XRCC5: variants seen among roughly 807,000 people sequenced by gnomAD.
The protein encoded by XRCC5 is DNA repair protein Ku80.
Under a neutral mutation model 95.7 loss-of-function variants are expected in XRCC5, and 12 were observed. The observed-to-expected ratio is 0.13, with a 90% confidence interval of 0.08 to 0.20. XRCC5 has a LOEUF of 0.20. Ranked by LOEUF, XRCC5 falls within the 10% of genes least tolerant of loss-of-function variation. The pLI is 1.00. For synonymous variants in XRCC5, 281 were observed against 290.3 expected (o/e 0.97, Z 0.33); for missense variants, 595 against 873.9 (o/e 0.68, Z 4.02).
rs1447612882 is a variant in XRCC5 at position 216,148,140 on chromosome 2, A to G, written c.1534A>G (p.Ile512Val). Reference sequence around the variant, plus strand: ...GCCTCTACCCCCAATTCAGCAGCATATTTGGAATATGCTGAATCCTCCCGC... The same window carrying G: ...GCCTCTACCCCCAATTCAGCAGCATGTTTGGAATATGCTGAATCCTCCCGC... ...REPLPPIQQHIWNMLNPPAEV... is the reference protein window; with the variant it reads ...REPLPPIQQHVWNMLNPPAEV... Residue 512 changes from isoleucine to valine, a missense_variant, in exon 14 of 21, where the codon ATT becomes GTT. By Grantham distance (29) the Ile-to-Val change is conservative. This residue lies in a region of XRCC5 where 309 missense variants were observed against 382.9 expected (regional missense o/e 0.81). Coordinates refer to ENST00000392132, the MANE Select transcript of XRCC5 (RefSeq NM_021141.4). The G allele has an allele frequency of 1.2e-6, 2 of 1,613,974 alleles. No individual in the cohort carries two copies. Among genetic ancestry groups the G allele is most frequent in the African/African-American group, 1.3e-5 (1 of 75,024 alleles).
In XRCC5 at chr2:216,199,810, C is replaced by CTT. The variant is rs375975027; in HGVS notation, c.2110-4489_2110-4488dup. 6.2e-3 allele frequency among the ~76,000 whole-genome samples: 744 copies of CTT among 120,196 alleles called. 11 individuals carry two copies. Among genetic ancestry groups the CTT allele is most frequent in the African/African-American group, 0.022 (702 of 31,896 alleles). 78.9% of individuals were successfully genotyped at this position (120,196 alleles called of 152,430 possible). A position where few individuals can be genotyped will look rare whatever the true frequency, so the allele number is the denominator to read the frequency against. ...GGATTTATCCCCATGGCATTGGGAT[C>CTT]TTTTTTTTTTTTTTTTTTTTTTTTA... On this transcript the variant is annotated intron_variant, in intron 19 of 20. Transcript: ENST00000392132.
rs548391935 is a variant in XRCC5 at position 216,201,186 on chromosome 2, C to T, written c.2110-3136C>T. 5.4e-4 allele frequency among the ~76,000 whole-genome samples: 82 copies of T among 152,276 alleles called. No individual in the cohort carries two copies. In the South Asian group the frequency reaches 0.012, roughly 23 times the overall value. On this transcript the variant is annotated intron_variant, in intron 19 of 20. Coordinates refer to ENST00000392132, the MANE Select transcript of XRCC5 (RefSeq NM_021141.4). ...TAGGCTGCAGGATTTCCCTCTTGCA[C>T]CATGTTAGTGTTTATAGCATCCATT...
At chr2:216,175,917 AT>A in intron 16 of XRCC5, 1 of 389,258 alleles carries the variant, frequency 2.6e-6, no homozygotes, top group Non-Finnish European at 4.9e-6. Flanking sequence ...CCAATAAACA[AT>A]TTTCTCAGCC....
At chr2:216,151,722 C>A (rs1688749264) in intron 14 of XRCC5, among the ~76,000 whole-genome samples, 1 of 152,176 alleles carries the variant, frequency 6.6e-6, no homozygotes, top group Non-Finnish European at 1.5e-5. Flanking sequence ...ATAGTAAGAA[C>A]ACAGTGTTTG....
chr2:216,115,220 C>A (rs1253445667), intron 2 of XRCC5, among the ~76,000 whole-genome samples: 3 of 152,166 alleles, frequency 2.0e-5, no homozygotes, highest in Non-Finnish European at 4.4e-5. Flanking sequence ...TGCGGAGTCG[C>A]CACTCCGGAG....
intron 19 of XRCC5, among the ~76,000 whole-genome samples, 186 bp downstream of exon 19, chr2:216,195,172 G>A (rs1311994118): frequency 6.6e-6 from 1 of 152,050 alleles, no homozygotes; most frequent in Non-Finnish European, 1.5e-5. Flanking sequence ...GTTTCCTGTA[G>A]GCTGTGGTTA....
At chr2:216,109,692 C>G (rs1404874033) in intron 1 of XRCC5, among the ~76,000 whole-genome samples, 1 of 150,546 alleles carries the variant, frequency 6.6e-6, no homozygotes, top group African/African-American at 2.5e-5. Context: ...CCATTACCCA[C>G]CCATCCCATC....
At position 216,190,245 on chromosome 2, in the gene XRCC5, C is replaced by G. The variant is rs554773794; in HGVS notation, c.1855C>G (p.His619Asp). The G allele has an allele frequency of 6.2e-7, 1 of 1,613,750 alleles. No individual in the cohort carries two copies. Among genetic ancestry groups the G allele is most frequent in the South Asian group, 1.1e-5 (1 of 91,030 alleles). ...TTTAGCGAGTAACCAGCTCATAAAT[C>G]ACATCGAACAGTTTTTGGATACTAA... ...FEEASNQLIN[H>D]IEQFLDTNET... The change falls in exon 17 of 21, where the codon CAC becomes GAC. Residue 619 changes from histidine to aspartate, a missense_variant. Physicochemically the swap from His to Asp is moderately conservative, Grantham distance 81. Transcript: ENST00000392132.
At chr2:216,126,769 G>A (rs1559240021) in intron 7 of XRCC5, among the ~76,000 whole-genome samples, 1 of 152,038 alleles carries the variant, frequency 6.6e-6, no homozygotes, top group South Asian at 2.1e-4. Context: ...GAGAACCTTG[G>A]GGCAGTTCTT....
At chr2:216,155,326 A>G (rs1214844084) in intron 14 of XRCC5, among the ~76,000 whole-genome samples, 3 of 151,984 alleles carry the variant, frequency 2.0e-5, no homozygotes, top group African/African-American at 4.8e-5. Context: ...CAATTTTTCC[A>G]TGGAAAAATG....
intron 5 of XRCC5, among the ~76,000 whole-genome samples, chr2:216,120,992 TC>T (rs1419002035): frequency 6.6e-6 from 1 of 152,332 alleles, no homozygotes; most frequent in East Asian, 1.9e-4. Context: ...TGCCTCGCCC[TC>T]CCAAAGTGCT....
chr2:216,146,639 A>G (rs540068056), intron 13 of XRCC5, among the ~76,000 whole-genome samples: 1 of 152,316 alleles, frequency 6.6e-6, no homozygotes, highest in South Asian at 2.1e-4. Flanking sequence ...ATGACATCTA[A>G]TCTTACTGCT....
intron 14 of XRCC5, 112 bp downstream of exon 14, chr2:216,148,388 G>A (rs903997606): frequency 2.3e-5 from 22 of 974,912 alleles, no homozygotes; most frequent in Middle Eastern, 3.4e-4. Context: ...AAGGTGAGAG[G>A]AAGAAGCCTT....
intron 16 of XRCC5, among the ~76,000 whole-genome samples, chr2:216,183,498 T>A (rs1689431237): frequency 6.6e-6 from 1 of 152,198 alleles, no homozygotes; most frequent in African/African-American, 2.4e-5. Context: ...GTTTTTTAGT[T>A]ATTGGTAAGA....
At chr2:216,136,090 C>T (rs1267753759) in intron 10 of XRCC5, among the ~76,000 whole-genome samples, 1 of 152,122 alleles carries the variant, frequency 6.6e-6, no homozygotes, top group Non-Finnish European at 1.5e-5. Flanking sequence ...GGTGCGGTGG[C>T]TCACGCCTGT....
chr2:216,137,945 ACACTT>A (rs1490096000), intron 11 of XRCC5, 139 bp from the exon 12 acceptor site: 2 of 645,354 alleles, frequency 3.1e-6, no homozygotes, highest in Non-Finnish European at 5.3e-6. Context: ...AGAAGTCAAA[ACACTT>A]CACTTTTCAT....
intron 14 of XRCC5, chr2:216,156,455 C>T: frequency 2.8e-6 from 2 of 704,816 alleles, no homozygotes; most frequent in Non-Finnish European, 5.3e-6. Flanking sequence ...TATCGTACAG[C>T]ACTGGTCAGA....
At chr2:216,130,796 A>C in intron 8 of XRCC5, 79 bp from the exon 9 acceptor site, 1 of 865,804 alleles carries the variant, frequency 1.2e-6, no homozygotes, top group Non-Finnish European at 1.8e-6. Flanking sequence ...TGTGTTGTTA[A>C]TGTATGCATG....
chr2:216,115,283 T>TTTTG (rs1207960891), intron 2 of XRCC5, among the ~76,000 whole-genome samples: 4 of 152,136 alleles, frequency 2.6e-5, no homozygotes, highest in Non-Finnish European at 5.9e-5. Flanking sequence ...ATAGGTGTTT[T>TTTTG]TTTGTTTGTT....
Sources: gnomAD v4.1 joint callset for allele counts (sites outside exome capture counted in the v4.1 genomes callset) on GRCh38, gnomAD v4.1.1 for gene constraint, gnomAD v4.1.1 regional missense constraint, MANE v1.5 for transcripts, NCBI Gene and HGNC (gene_info 2026-07-23, HGNC 2026-07-21) for gene names.